The following PRUNE2 variants were observed in gnomAD, a reference collection of about 807,000 sequenced individuals.
PRUNE2 encodes the protein protein prune homolog 2.
A neutral mutation model predicts 252.0 loss-of-function variants in PRUNE2; 164 were observed. The ratio of observed to expected loss-of-function variants is 0.65; its 90% CI spans 0.57 to 0.74. PRUNE2 has a LOEUF of 0.74. Ranked by LOEUF, PRUNE2 falls within the 30% of genes least tolerant of loss-of-function variation. PRUNE2 has a pLI of 0.00. For synonymous variants in PRUNE2, 1,292 were observed against 1,350.2 expected (o/e 0.96, Z 0.94); for missense variants, 3,495 against 3,711.0 (o/e 0.94, Z 1.51).
At chr9:76,886,085 C>G (rs2062078255) in intron 1 of PRUNE2, among the ~76,000 whole-genome samples, 1 of 151,554 alleles carries the variant, frequency 6.6e-6, no homozygotes, top group Non-Finnish European at 1.5e-5. Flanking sequence ...ACTTGGGAGG[C>G]TGAGTCAGGA....
At chr9:76,732,281 T>TG (rs1189088558) in intron 6 of PRUNE2, among the ~76,000 whole-genome samples, 1 of 152,080 alleles carries the variant, frequency 6.6e-6, no homozygotes, top group Non-Finnish European at 1.5e-5. Context: ...CACTCCAGCC[T>TG]GGGGGGCAGA....
At chr9:76,769,501 TC>T (rs2052843966) in intron 6 of PRUNE2, among the ~76,000 whole-genome samples, 1 of 148,152 alleles carries the variant, frequency 6.7e-6, no homozygotes, top group Non-Finnish European at 1.5e-5. Context: ...CGGCTCGTCG[TC>T]GCAACCTCCG....
intron 6 of PRUNE2, among the ~76,000 whole-genome samples, chr9:76,821,701 T>G (rs7867090): frequency 6.6e-6 from 1 of 152,072 alleles, no homozygotes; most frequent in Non-Finnish European, 1.5e-5. Flanking sequence ...CTTTCAGAGA[T>G]GTGCTTAACC....
At chr9:76,659,140 T>G (rs1011054446) in intron 9 of PRUNE2, among the ~76,000 whole-genome samples, 1 of 152,248 alleles carries the variant, frequency 6.6e-6, no homozygotes, top group Admixed American at 6.5e-5. Flanking sequence ...TTGCTGGAAA[T>G]GTAAACAAGA....
chr9:76,853,978 C>A, intron 2 of PRUNE2, 126 bp downstream of exon 2: 1 of 507,716 alleles, frequency 2.0e-6, no homozygotes. Context: ...ATACTTTATA[C>A]TCTGCAACAA....
At chr9:76,895,737 A>G (rs2062779479) in intron 1 of PRUNE2, among the ~76,000 whole-genome samples, 1 of 152,106 alleles carries the variant, frequency 6.6e-6, no homozygotes, top group Non-Finnish European at 1.5e-5. Context: ...CCTGACACCA[A>G]ATGGAATGAC....
chr9:76,705,954 A>G lies in PRUNE2; in HGVS notation c.6320T>C (p.Ile2107Thr), dbSNP rs753744054. ...TTGCTTTGCTTCAGAATCGTGACAT[A>G]TATCAGGGCTGTCGGAAGCCTGAGA... ...SNSQASDSPD[I>T]CHDSEAKQET... The change falls in exon 8 of 19, where the codon ATA (isoleucine) becomes ACA (threonine). Residue 2107 changes from isoleucine (I) to threonine (T), a missense_variant. By Grantham distance (89) the Ile-to-Thr change is moderately conservative. Coordinates refer to ENST00000376718, the MANE Select transcript of PRUNE2 (RefSeq NM_015225.3). 42 of 1,613,868 alleles carry G rather than the reference A, an allele frequency of 2.6e-5. No individual in the cohort carries two copies. Among genetic ancestry groups the G allele is most frequent in the Non-Finnish European group, 3.2e-5 (38 of 1,179,882 alleles).
chr9:76,852,786 A>G (rs1191146979), intron 2 of PRUNE2, among the ~76,000 whole-genome samples: 7 of 151,658 alleles, frequency 4.6e-5, no homozygotes, highest in African/African-American at 1.7e-4. Context: ...TTTTATTTTT[A>G]TCTAGCCATC....
At chr9:76,876,504 A>G (rs757489420) in intron 1 of PRUNE2, among the ~76,000 whole-genome samples, 1 of 151,892 alleles carries the variant, frequency 6.6e-6, no homozygotes, top group Non-Finnish European at 1.5e-5. Flanking sequence ...TAGATTTAAA[A>G]TTTTCTCTTT....
At chr9:76,671,831 A>C (rs1430378797) in intron 9 of PRUNE2, among the ~76,000 whole-genome samples, 13 of 151,202 alleles carry the variant, frequency 8.6e-5, no homozygotes, top group Non-Finnish European at 1.3e-4. Flanking sequence ...GAAATAAAAT[A>C]CTTTACAGAC....
intron 6 of PRUNE2, among the ~76,000 whole-genome samples, chr9:76,760,599 C>A (rs368319598): frequency 6.6e-6 from 1 of 152,192 alleles, no homozygotes; most frequent in East Asian, 1.9e-4. Flanking sequence ...ATCATCCTAA[C>A]TATGACCATG....
intron 1 of PRUNE2, among the ~76,000 whole-genome samples, chr9:76,874,604 TC>T (rs1211387155): frequency 6.6e-6 from 1 of 152,210 alleles, no homozygotes; most frequent in African/African-American, 2.4e-5. Flanking sequence ...ACATTTTCCA[TC>T]CCATCGCTCG....
chr9:76,900,022 T>C (rs1564531823), intron 1 of PRUNE2, among the ~76,000 whole-genome samples: 1 of 152,060 alleles, frequency 6.6e-6, no homozygotes, highest in African/African-American at 2.4e-5. Flanking sequence ...GGAAGCAGGG[T>C]GAAAGCAGTT....
chr9:76,826,410 T>C (rs2058348220), intron 5 of PRUNE2, among the ~76,000 whole-genome samples, 170 bp downstream of exon 5: 1 of 152,084 alleles, frequency 6.6e-6, no homozygotes, highest in Non-Finnish European at 1.5e-5. Flanking sequence ...GAGGTCGAGG[T>C]TGCAGTGAGC....
At chr9:76,645,884 A>G (rs1194266626) in intron 11 of PRUNE2, among the ~76,000 whole-genome samples, 1 of 152,200 alleles carries the variant, frequency 6.6e-6, no homozygotes, top group Non-Finnish European at 1.5e-5. Flanking sequence ...TTTGATGATA[A>G]TAACAGCACT....
intron 6 of PRUNE2, among the ~76,000 whole-genome samples, chr9:76,774,302 A>G (rs1251788952): frequency 6.6e-6 from 1 of 151,276 alleles, no homozygotes. Context: ...TGCCCAGTTA[A>G]TTTTTTGTAT....
intron 4 of PRUNE2, among the ~76,000 whole-genome samples, chr9:76,838,645 CAAAAAAAAAA>C (rs10540002): frequency 5.6e-4 from 47 of 84,680 alleles, no homozygotes; most frequent in African/African-American, 1.3e-3. Flanking sequence ...AACTCTGTCT[CAAAAAAAAAA>C]AAAAAAAAAA....
At chr9:76,797,398 T>C (rs952124434) in intron 6 of PRUNE2, among the ~76,000 whole-genome samples, 1 of 151,524 alleles carries the variant, frequency 6.6e-6, no homozygotes, top group African/African-American at 2.4e-5. Flanking sequence ...TGTTTGTTTG[T>C]TTGGTTAGTT....
In PRUNE2 at chr9:76,619,201, T is replaced by G; in HGVS notation, c.9236+139A>C. 6.8e-6 allele frequency: 4 copies of G among 590,324 alleles called. No homozygotes were observed. In the Middle Eastern group the frequency reaches 7.7e-4, roughly 114 times the overall value. 36.6% of individuals were successfully genotyped at this position (590,324 alleles called of 1,614,324 possible). A position where few individuals can be genotyped will look rare whatever the true frequency, so the allele number is the denominator to read the frequency against. ...TGAAGCTGGCAAATATAGCTTCAGG[T>G]TTCTAATTTCAGGAATGGAGCACAG... On this transcript the variant is annotated intron_variant, in intron 18 of 18. Coordinates refer to ENST00000376718, the MANE Select transcript of PRUNE2 (RefSeq NM_015225.3).
Sources: allele counts gnomAD v4.1 joint callset (sites outside exome capture counted in the v4.1 genomes callset), GRCh38; gene constraint gnomAD v4.1.1; transcripts MANE v1.5; gene names NCBI Gene and HGNC (gene_info 2026-07-23, HGNC 2026-07-21).